The following HMGN3 variants were observed in gnomAD, a reference collection of about 807,000 sequenced individuals.
HMGN3 encodes high mobility group nucleosomal binding domain 3.
A neutral mutation model predicts 18.8 loss-of-function variants in HMGN3; 6 were observed. That is an observed-to-expected ratio of 0.32 (90% CI 0.18 to 0.63). The LOEUF (loss-of-function observed/expected upper bound fraction) is 0.63, where lower values mean the gene tolerates loss of function less well. HMGN3 is among the 30% of genes least tolerant of loss of function. The pLI is 0.79. For synonymous variants in HMGN3, 40 were observed against 36.5 expected, an observed-to-expected ratio of 1.10 and a Z score of -0.35; for missense variants, 107 against 114.2, an observed-to-expected ratio of 0.94 and a Z score of 0.29.
exon 1 of HMGN3, chr6:79,234,560 T>A: frequency 6.2e-7 from 1 of 1,612,198 alleles, no homozygotes; most frequent in Non-Finnish European, 8.5e-7. Flanking sequence ...CTCTTCGGCA[T>A]AATGACTATG....
chr6:79,228,984 A>G (rs1279967460), intron 1 of HMGN3, among the ~76,000 whole-genome samples: 1 of 152,258 alleles, frequency 6.6e-6, no homozygotes, highest in African/African-American at 2.4e-5. Flanking sequence ...TAGGCAATTC[A>G]GTAGAGAAAG....
At chr6:79,225,029 TA>T (rs905764216) in intron 1 of HMGN3, among the ~76,000 whole-genome samples, 1 of 152,184 alleles carries the variant, frequency 6.6e-6, no homozygotes, top group Non-Finnish European at 1.5e-5. Context: ...TATAGTTTGT[TA>T]AAAAATGTAT....
intron 1 of HMGN3, among the ~76,000 whole-genome samples, chr6:79,227,925 G>C (rs970458895): frequency 2.0e-5 from 3 of 151,996 alleles, no homozygotes; most frequent in African/African-American, 7.3e-5. Flanking sequence ...ATGACTTCAT[G>C]GTAAAGTAAA....
intron 1 of HMGN3, among the ~76,000 whole-genome samples, chr6:79,215,402 ATTCCTT>A: frequency 6.6e-6 from 1 of 152,312 alleles, no homozygotes; most frequent in East Asian, 1.9e-4. Context: ...CAGTCACTCC[ATTCCTT>A]TAAGATAAGG....
At chr6:79,211,420 G>C (rs1338861615) in intron 2 of HMGN3, among the ~76,000 whole-genome samples, 2 of 150,566 alleles carry the variant, frequency 1.3e-5, no homozygotes, top group East Asian at 2.0e-4. Flanking sequence ...TCAGATTGTT[G>C]GGTGGGACTA....
Position 79,234,526 on chromosome 6 carries a change from C to A in HMGN3, c.15+20G>T, listed in dbSNP as rs760293833. The A allele has an allele frequency of 1.9e-6, 3 of 1,609,530 alleles. No homozygotes were observed. The highest frequency in any genetic ancestry group is 1.1e-5 in the South Asian group (1 of 90,730). On this transcript the variant is annotated intron_variant, in intron 1 of 5. Coordinates refer to ENST00000344726, the Ensembl canonical transcript of HMGN3. ...AGCAGAATTTGAAGGCTTTTGAAAT[C>A]TTTTTTTGGTAAGACTTACCTTTCT...
At chr6:79,208,451 G>T in intron 3 of HMGN3, 96 bp downstream of exon 3, 1 of 1,069,974 alleles carries the variant, frequency 9.3e-7, no homozygotes, top group Non-Finnish European at 1.4e-6. Flanking sequence ...ATAAGCTCAT[G>T]GGAAACCATG....
At chr6:79,201,593 C>T (rs765239771) in exon 6 of HMGN3, 1 of 872,378 alleles carries the variant, frequency 1.1e-6, no homozygotes, top group Non-Finnish European at 1.9e-6. Flanking sequence ...TAGTAGAGTC[C>T]TAAAAAATTA....
At chr6:79,231,324 C>T (rs1378398280) in intron 1 of HMGN3, among the ~76,000 whole-genome samples, 1 of 152,272 alleles carries the variant, frequency 6.6e-6, no homozygotes, top group East Asian at 1.9e-4. Context: ...CCAGAACAGT[C>T]TAGAACTCAA....
chr6:79,203,496 G>A (rs1307466123), intron 4 of HMGN3, 84 bp downstream of exon 4: 1 of 1,148,050 alleles, frequency 8.7e-7, no homozygotes, highest in Non-Finnish European at 1.3e-6. Flanking sequence ...ATTAAATACG[G>A]CCTTTCTTTG....
chr6:79,222,988 A>G (rs986018515), intron 1 of HMGN3, among the ~76,000 whole-genome samples: 1 of 152,242 alleles, frequency 6.6e-6, no homozygotes, highest in African/African-American at 2.4e-5. Flanking sequence ...GATATAAAAG[A>G]TAACTAAAAA....
At chr6:79,206,458 G>A (rs908869609) in intron 3 of HMGN3, among the ~76,000 whole-genome samples, 11 of 152,214 alleles carry the variant, frequency 7.2e-5, no homozygotes, top group Non-Finnish European at 1.5e-4. Context: ...TCAGTGTGTG[G>A]AAGCCCCAAG....
intron 1 of HMGN3, among the ~76,000 whole-genome samples, chr6:79,223,459 C>A (rs1238973887): frequency 6.6e-6 from 1 of 151,994 alleles, no homozygotes; most frequent in Non-Finnish European, 1.5e-5. Flanking sequence ...TGCAGTGAGC[C>A]GAGATCGCGC....
intron 2 of HMGN3, among the ~76,000 whole-genome samples, chr6:79,212,533 T>G (rs950478703): frequency 5.9e-5 from 9 of 152,258 alleles, no homozygotes; most frequent in Non-Finnish European, 8.8e-5. Context: ...GGTGCTTATA[T>G]GTTTTCGTTG....
intron 1 of HMGN3, among the ~76,000 whole-genome samples, chr6:79,227,760 C>A (rs953240363): frequency 1.3e-5 from 2 of 152,122 alleles, no homozygotes; most frequent in African/African-American, 2.4e-5. Flanking sequence ...TAGAGTTTTT[C>A]CCACTGTATG....
intron 3 of HMGN3, among the ~76,000 whole-genome samples, chr6:79,206,402 C>A (rs35332837): frequency 6.6e-6 from 1 of 152,102 alleles, no homozygotes; most frequent in African/African-American, 2.4e-5. Flanking sequence ...GTCTCCCAGC[C>A]GCTCCAGCTG....
intron 1 of HMGN3, among the ~76,000 whole-genome samples, chr6:79,218,993 T>C (rs1039613694): frequency 1.3e-5 from 2 of 152,114 alleles, no homozygotes; most frequent in African/African-American, 4.8e-5. Flanking sequence ...ATGTGGTTAA[T>C]TGAGAAGCTC....
intron 1 of HMGN3, among the ~76,000 whole-genome samples, chr6:79,219,974 G>A (rs1464160399): frequency 1.3e-5 from 2 of 152,108 alleles, no homozygotes; most frequent in African/African-American, 4.8e-5. Flanking sequence ...AACTTAAGTT[G>A]ATTAAAATTA....
At chr6:79,201,800 C>A in intron 5 of HMGN3, 74 bp from the exon 7 acceptor site, 1 of 1,561,708 alleles carries the variant, frequency 6.4e-7, no homozygotes, top group Non-Finnish European at 8.6e-7. Flanking sequence ...TTCCACCCAC[C>A]AACACACACA....
Sources: allele counts gnomAD v4.1 joint callset (sites outside exome capture counted in the v4.1 genomes callset), GRCh38; gene constraint gnomAD v4.1.1; transcripts MANE v1.5; gene names NCBI Gene and HGNC (gene_info 2026-07-23, HGNC 2026-07-21).